The following STRC variants were observed in gnomAD, a reference collection of about 807,000 sequenced individuals.
STRC encodes the protein stereocilin.
A neutral mutation model predicts 103.5 loss-of-function variants in STRC; 43 were observed. The ratio of observed to expected loss-of-function variants is 0.42; its 90% CI spans 0.33 to 0.54. The LOEUF (loss-of-function observed/expected upper bound fraction) is 0.54, where lower values mean the gene tolerates loss of function less well. STRC is among the 20% of genes least tolerant of loss of function. The pLI, the probability that STRC is intolerant of heterozygous loss-of-function variation, is 0.14. For missense variants in STRC, 499 were observed against 1,088.5 expected (o/e 0.46, Z 7.62); for synonymous variants, 186 against 442.3 (o/e 0.42, Z 7.27).
In STRC at chr15:43,601,506, G is replaced by C. The variant is rs770260611; in HGVS notation, c.4591C>G (p.Leu1531Val). The C allele has an allele frequency of 6.2e-7, 1 of 1,613,850 alleles. No homozygotes were observed. The highest frequency in any genetic ancestry group is 1.3e-5 in the African/African-American group (1 of 74,974). Residue 1531 changes from leucine to valine, a missense_variant, in exon 24 of 29, where the codon CTT becomes GTT. Physicochemically the swap from Leu to Val is conservative, Grantham distance 32. Transcript: ENST00000450892. ...CCTAGACCTATTAAGAGCCTACCAA[G>C]CTGCAGGATCTGCTCAGGACGAAAT... is the stretch of plus-strand genomic sequence containing the variant. ...RGFRPEQILQ[L>V]GRLLIGLGDR...
intron 13 of STRC, 68 bp downstream of exon 13, chr15:43,611,080 G>T (rs1310296715): frequency 1.3e-6 from 2 of 1,568,120 alleles, no homozygotes; most frequent in Non-Finnish European, 1.7e-6. Flanking sequence ...CCTCAGGGAA[G>T]ATGCCTTCCT....
intron 18 of STRC, 21 bp from the exon 19 acceptor site, chr15:43,605,420 C>T: frequency 6.3e-7 from 1 of 1,591,306 alleles, no homozygotes; most frequent in South Asian, 1.1e-5. Context: ...AATTTGACAA[C>T]AACAGGATTC....
rs1038851532 is a variant in STRC, at chr15:43,601,790, C to G, written c.4546-239G>C. On this transcript the variant is annotated intron_variant, in intron 23 of 28. Transcript: ENST00000450892. ...CTAACTCTAGTCCATGAGTTCCACA[C>G]TTTTATGTGCATCAGACACAGAGAC... The G allele has an allele frequency of 5.3e-5, 27 of 512,514 alleles. 1 individual carries two copies. Among genetic ancestry groups the G allele is most frequent in the African/African-American group, 5.0e-4 (26 of 51,752 alleles). The allele number at this position is 512,514 out of a possible 1,614,324, so 31.7% of individuals were successfully genotyped here.
In STRC at chr15:43,604,408, G is replaced by A. The variant is rs376104748; in HGVS notation, c.4171C>T (p.Arg1391Cys). ...WSQDEVEQAG[R>C]LVFTLSTEAI... ...TCAGTAGACAGAGTGAATACTAGGC[G>A]TCCAGCTTGCTCTACTTCATCCTGG... Residue 1391 changes from arginine to cysteine, a missense_variant, in exon 21 of 29, where the codon CGC (arginine) becomes TGC (cysteine). Coordinates refer to ENST00000450892, the MANE Select transcript of STRC (RefSeq NM_153700.2). 1.6e-5 allele frequency: 25 copies of A among 1,587,164 alleles called. No homozygotes were observed. The highest frequency in any genetic ancestry group is 9.0e-5 in the East Asian group (4 of 44,314).
rs1352375907 is a variant in STRC, at chr15:43,600,973, C to T, written c.4743G>A (p.Arg1581=). The stretch of plus-strand genomic sequence containing the variant: ...GAACGAAGTCCAGGTGGCTCACATG[C>T]CGACCACTCTGCCGTAGGAAACTGG... ...VVSSFLRQSG[R]HVSHLDFVHL... The change falls in exon 25 of 29, where the codon CGG becomes CGA. Residue 1581 remains arginine, a synonymous_variant. Coordinates refer to ENST00000450892, the MANE Select transcript of STRC (RefSeq NM_153700.2). 5 of 1,600,870 alleles carry T rather than the reference C, an allele frequency of 3.1e-6. No homozygotes were observed. The highest frequency in any genetic ancestry group is 4.3e-6 in the Non-Finnish European group (5 of 1,176,168).
rs558548239 is a variant in STRC, at chr15:43,606,486, G to A, written c.3795-1087C>T. Among the ~76,000 whole-genome samples, 19 of 151,004 alleles carry A rather than the reference G, an allele frequency of 1.3e-4. 1 individual carries two copies. Among genetic ancestry groups the A allele is most frequent in the African/African-American group, 4.7e-4 (19 of 40,788 alleles). On this transcript the variant is annotated intron_variant, in intron 18 of 28. Coordinates refer to ENST00000450892, the MANE Select transcript of STRC (RefSeq NM_153700.2). ...GTGGTGGCACGCGCCTGTAATCCCAGCTACTCAGCAGGCTGAGGCAGGAGA... is the reference window on the plus strand; with the variant it reads ...GTGGTGGCACGCGCCTGTAATCCCAACTACTCAGCAGGCTGAGGCAGGAGA...
At chr15:43,603,849 A>T in intron 22 of STRC, 147 bp downstream of exon 22, 1 of 1,456,040 alleles carries the variant, frequency 6.9e-7, no homozygotes, top group Non-Finnish European at 9.2e-7. Context: ...GAATTCTAGA[A>T]CTACAAGAGG....
chr15:43,607,095 C>T (rs1193504620), intron 18 of STRC, among the ~76,000 whole-genome samples: 1 of 147,676 alleles, frequency 6.8e-6, no homozygotes, highest in African/African-American at 2.5e-5. Flanking sequence ...GACTGTAACA[C>T]CAGCATTTTC....
Position 43,607,995 on chromosome 15 carries a change from G to A in STRC, c.3682-20C>T, listed in dbSNP as rs1282367932. Reference sequence around the variant, plus strand: ...GGCCCTCTGTAGGGAAGCAGTGTGAGGCCAGAGCAGAACATAGGAGCTGGG... The same window carrying A: ...GGCCCTCTGTAGGGAAGCAGTGTGAAGCCAGAGCAGAACATAGGAGCTGGG... On this transcript the variant is annotated intron_variant, in intron 17 of 28. Coordinates refer to ENST00000450892, the MANE Select transcript of STRC (RefSeq NM_153700.2). The A allele has an allele frequency of 1.2e-6, 2 of 1,610,886 alleles. No homozygotes were observed. The highest frequency in any genetic ancestry group is 1.7e-6 in the Non-Finnish European group (2 of 1,179,510).
At chr15:43,604,972 A>G (rs1296776524) in intron 19 of STRC, 126 bp from the exon 20 acceptor site, 1 of 1,423,404 alleles carries the variant, frequency 7.0e-7, no homozygotes, top group Non-Finnish European at 9.7e-7. Context: ...TATGATGCTC[A>G]CTACCTTTGT....
chr15:43,609,660 G>A (rs965826157), intron 15 of STRC: 3 of 383,926 alleles, frequency 7.8e-6, no homozygotes, highest in Non-Finnish European at 1.5e-5. Flanking sequence ...GACCAATCTG[G>A]ACAGCATAGT....
chr15:43,601,509 G>T lies in STRC; in HGVS notation c.4588C>A (p.Gln1530Lys). 6.2e-7 allele frequency: 1 copy of T among 1,613,840 alleles called. No homozygotes were observed. Among genetic ancestry groups the T allele is most frequent in the Non-Finnish European group, 8.5e-7 (1 of 1,179,866 alleles). ...AGACCTATTAAGAGCCTACCAAGCT[G>T]CAGGATCTGCTCAGGACGAAATCCC... ...PRGFRPEQIL[Q>K]LGRLLIGLGD... The change falls in exon 24 of 29, where the codon CAG (glutamine) becomes AAG (lysine). Residue 1530 changes from glutamine (Q) to lysine (K), a missense_variant. Coordinates refer to ENST00000450892, the MANE Select transcript of STRC (RefSeq NM_153700.2).
At chr15:43,601,839 G>T in intron 23 of STRC, among the ~76,000 whole-genome samples, 1 of 151,780 alleles carries the variant, frequency 6.6e-6, no homozygotes, top group East Asian at 1.9e-4. Context: ...GATGCCTAGG[G>T]CCCAGCACAG....
chr15:43,605,471 C>T (rs2085705685), intron 18 of STRC, 72 bp from the exon 19 acceptor site: 2 of 1,552,688 alleles, frequency 1.3e-6, no homozygotes, highest in Non-Finnish European at 8.7e-7. Flanking sequence ...CACAAAACCC[C>T]ACAGTCCGCA....
intron 23 of STRC, chr15:43,602,435 C>T (rs1172721680): frequency 6.6e-6 from 1 of 151,962 alleles, no homozygotes; most frequent in East Asian, 1.9e-4. Flanking sequence ...CCACCTGCCT[C>T]CGCCTCCCAA....
At position 43,610,077 on chromosome 15, in the gene STRC, C is replaced by T. The variant is rs1432177543; in HGVS notation, c.3498+235G>A. The T allele has an allele frequency of 3.4e-5, 17 of 506,410 alleles. 2 individuals carry two copies. The highest frequency in any genetic ancestry group is 1.3e-4 in the African/African-American group (6 of 44,800). 31.4% of individuals were successfully genotyped at this position (506,410 alleles called of 1,614,324 possible). A position where few individuals can be genotyped will look rare whatever the true frequency, so the allele number is the denominator to read the frequency against. On this transcript the variant is annotated intron_variant, in intron 15 of 28. Coordinates refer to ENST00000450892, the MANE Select transcript of STRC (RefSeq NM_153700.2). The stretch of plus-strand genomic sequence containing the variant: ...GCCAGGCATGGTGGTAACCACCTGT[C>T]GTCCTAGCTATTCAGGAGGCTGAGG...
chr15:43,600,445 C>A, intron 26 of STRC, 89 bp downstream of exon 26: 2 of 1,598,050 alleles, frequency 1.3e-6, no homozygotes, highest in African/African-American at 1.3e-5. Context: ...CAGGCCCCCA[C>A]CTTAAGAATT....
chr15:43,602,773 T>G (rs577446388), intron 23 of STRC: 2 of 191,656 alleles, frequency 1.0e-5, no homozygotes, highest in South Asian at 1.9e-4. Flanking sequence ...GCCTCCCAAG[T>G]AGCTGGGACA....
At chr15:43,601,264 G>A (rs574474004) in intron 24 of STRC, 132 bp downstream of exon 24, 12 of 1,372,530 alleles carry the variant, frequency 8.7e-6, no homozygotes, top group African/African-American at 5.7e-5. Context: ...CTAGTATGGG[G>A]TATCAACAAA....
Sources: gnomAD v4.1 joint callset for allele counts (sites outside exome capture counted in the v4.1 genomes callset) on GRCh38, gnomAD v4.1.1 for gene constraint, MANE v1.5 for transcripts, NCBI Gene and HGNC (gene_info 2026-07-23, HGNC 2026-07-21) for gene names.